GPR158: variants seen among roughly 807,000 people sequenced by gnomAD.
GPR158 encodes the protein G protein-coupled receptor 158, also known as metabotropic glycine receptor.
Under a neutral mutation model 78.2 loss-of-function variants are expected in GPR158, and 30 were observed. The observed-to-expected ratio is 0.38, with a 90% CI of 0.29 to 0.52. The LOEUF is 0.52. Ranked by LOEUF, GPR158 falls within the 20% of genes least tolerant of loss-of-function variation. The probability of loss-of-function intolerance (pLI) is 0.83; values close to 1 mark genes in which losing one functional copy is unlikely to be tolerated. For missense variants in GPR158, 1,463 were observed against 1,523.5 expected (o/e 0.96, Z 0.66); for synonymous variants, 581 against 591.1 (o/e 0.98, Z 0.25).
At chr10:25,246,903 T>C (rs1377998306) in intron 2 of GPR158, among the ~76,000 whole-genome samples, 2 of 152,194 alleles carry the variant, frequency 1.3e-5, no homozygotes. Flanking sequence ...AATGAGGGAA[T>C]TGTGTATGCT....
At chr10:25,594,113 T>C in intron 8 of GPR158, 179 bp from the exon 9 acceptor site, 1 of 522,982 alleles carries the variant, frequency 1.9e-6, no homozygotes, top group Non-Finnish European at 3.4e-6. Flanking sequence ...TCATATATTA[T>C]GCATCAAATT....
At chr10:25,296,472 TG>T (rs879522709) in intron 2 of GPR158, among the ~76,000 whole-genome samples, 4,005 of 152,074 alleles carry the variant, frequency 0.026, 174 homozygotes, top group African/African-American at 0.092. Context: ...ATCATCTGTC[TG>T]TCTTTCTATC....
At chr10:25,280,598 C>T (rs1007301114) in intron 2 of GPR158, among the ~76,000 whole-genome samples, 3 of 152,122 alleles carry the variant, frequency 2.0e-5, no homozygotes, top group African/African-American at 7.2e-5. Context: ...AGAACGTTGA[C>T]TTAATGTACA....
intron 2 of GPR158, among the ~76,000 whole-genome samples, chr10:25,261,844 ATT>A (rs1853972676): frequency 6.6e-6 from 1 of 152,142 alleles, no homozygotes; most frequent in Non-Finnish European, 1.5e-5. Context: ...GTAGCAAATA[ATT>A]TTGGTAGAGT....
At chr10:25,487,447 G>A (rs547298528) in intron 5 of GPR158, among the ~76,000 whole-genome samples, 15 of 152,076 alleles carry the variant, frequency 9.9e-5, no homozygotes, top group African/African-American at 1.7e-4. Context: ...TCATTCCCAC[G>A]ATGCCAGCCA....
chr10:25,279,729 A>G (rs1336048280), intron 2 of GPR158, among the ~76,000 whole-genome samples: 1 of 152,212 alleles, frequency 6.6e-6, no homozygotes, highest in African/African-American at 2.4e-5. Flanking sequence ...ACAGAAAAAC[A>G]GGCAGTCAAT....
At chr10:25,576,834 G>C (rs4747532) in intron 7 of GPR158, among the ~76,000 whole-genome samples, 44,515 of 151,902 alleles carry the variant, frequency 0.29, 7,095 homozygotes, top group Non-Finnish European at 0.36. Context: ...GACTCGTGAT[G>C]AGAGTGCAGG....
intron 2 of GPR158, among the ~76,000 whole-genome samples, chr10:25,291,386 G>A (rs1391319769): frequency 6.6e-6 from 1 of 151,976 alleles, no homozygotes; most frequent in Admixed American, 6.6e-5. Context: ...AAACATATCA[G>A]TTGTTTAGGA....
intron 2 of GPR158, among the ~76,000 whole-genome samples, chr10:25,293,745 ATTT>A (rs5783917): frequency 0.54 from 78,038 of 144,742 alleles, 21,426 homozygotes; most frequent in Non-Finnish European, 0.63. Context: ...TAAACCTGTA[ATTT>A]TTTTTTTTTT....
intron 5 of GPR158, chr10:25,475,689 G>A (rs1835573638): frequency 1.3e-5 from 2 of 152,248 alleles, no homozygotes; most frequent in African/African-American, 2.4e-5. Flanking sequence ...TGGTATAAAT[G>A]TGACTAATAT....
intron 1 of GPR158, among the ~76,000 whole-genome samples, chr10:25,212,527 C>T (rs1241606209): frequency 6.6e-6 from 1 of 150,780 alleles, no homozygotes; most frequent in Non-Finnish European, 1.5e-5. Context: ...CAGTATGTTT[C>T]TCCGTTAATT....
intron 5 of GPR158, among the ~76,000 whole-genome samples, chr10:25,538,487 T>C (rs983090): frequency 0.27 from 41,330 of 151,974 alleles, 6,406 homozygotes; most frequent in Non-Finnish European, 0.35. Flanking sequence ...AAATGTTTTG[T>C]TGTTGTTGTT....
At chr10:25,234,765 T>A (rs1441398913) in intron 2 of GPR158, among the ~76,000 whole-genome samples, 1 of 152,186 alleles carries the variant, frequency 6.6e-6, no homozygotes, top group East Asian at 1.9e-4. Context: ...CCTCAAAAGT[T>A]TTTTTCTGAA....
In GPR158 at chr10:25,176,128, C is replaced by A. The variant is rs752286532; in HGVS notation, c.708C>A (p.Arg236=). ...GCAAGTGGAGGCCCCACTTACACCG[C>A]CGCGGCCCCAATCAGGGGCCCCGGG... ...LRRKWRPHLH[R]RGPNQGPRGL... Residue 236 remains arginine, a synonymous_variant, in exon 1 of 11, where the codon CGC becomes CGA. Transcript: ENST00000376351. The surrounding 1 kb of genome is among the most constrained non-coding windows in gnomAD (Gnocchi z 6.3). The A allele has an allele frequency of 3.2e-6, 5 of 1,572,948 alleles. No individual in the cohort carries two copies. The African/African-American group carries it at 4.0e-5, about 13-fold the overall frequency.
chr10:25,228,388 G>A (rs1261355004), intron 2 of GPR158, among the ~76,000 whole-genome samples: 2 of 151,952 alleles, frequency 1.3e-5, no homozygotes, highest in Non-Finnish European at 2.9e-5. Context: ...ATTACATATA[G>A]TAGCAAAAAT....
intron 4 of GPR158, among the ~76,000 whole-genome samples, chr10:25,457,382 A>C (rs987351370): frequency 6.6e-6 from 1 of 151,966 alleles, no homozygotes; most frequent in Non-Finnish European, 1.5e-5. Context: ...AAGAATGTAC[A>C]ATAACCCCTC....
chr10:25,379,629 A>G (rs1212439014), intron 2 of GPR158, among the ~76,000 whole-genome samples: 1 of 133,742 alleles, frequency 7.5e-6, no homozygotes, highest in Admixed American at 7.4e-5. Flanking sequence ...GAATTCAACA[A>G]ATTTTTTTGA....
At chr10:25,522,307 A>G (rs1327840874) in intron 5 of GPR158, among the ~76,000 whole-genome samples, 4 of 152,220 alleles carry the variant, frequency 2.6e-5, no homozygotes, top group Non-Finnish European at 5.9e-5. Flanking sequence ...AGTGCTTGGC[A>G]TGGTCAGGGA....
Position 25,466,170 on chromosome 10 carries a change from G to A in GPR158, c.1336-481G>A, listed in dbSNP as rs140021116. 598 of 152,696 alleles carry A rather than the reference G, an allele frequency of 3.9e-3. 5 individuals carry two copies. Among genetic ancestry groups the A allele is most frequent in the Non-Finnish European group, 6.2e-3 (423 of 68,332 alleles). The allele number at this position is 152,696 out of a possible 1,614,324, so 9.5% of individuals were successfully genotyped here. A position where few individuals can be genotyped will look rare whatever the true frequency, so the allele number is the denominator to read the frequency against. On this transcript the variant is annotated intron_variant, in intron 4 of 10. Transcript: ENST00000376351. ...CCTTCCGGGTCCCTTTTCGCCGTGC[G>A]GAAGCTTCACTTTCACTTTCATTTT... is the stretch of plus-strand genomic sequence containing the variant.
Sources: allele counts gnomAD v4.1 joint callset (sites outside exome capture counted in the v4.1 genomes callset), GRCh38; gene constraint gnomAD v4.1.1; non-coding constraint Gnocchi (gnomAD v3.1); transcripts MANE v1.5; gene names NCBI Gene and HGNC (gene_info 2026-07-23, HGNC 2026-07-21).